RCC1L: variants seen among roughly 807,000 people sequenced by gnomAD.
RCC1L encodes the protein RCC1 like.
RCC1L carries 46 observed loss-of-function variants against 58.6 expected under a neutral mutation model. The ratio of observed to expected loss-of-function variants is 0.79; its 90% CI spans 0.62 to 1.00. The LOEUF (loss-of-function observed/expected upper bound fraction) is 1.00, where lower values mean the gene tolerates loss of function less well. Among genes scored for constraint, RCC1L ranks in the 50% least tolerant of loss-of-function variants. RCC1L has a pLI of 0.00. For missense variants in RCC1L, 636 were observed against 623.6 expected (o/e 1.02, Z -0.21); for synonymous variants, 281 against 262.9 (o/e 1.07, Z -0.67).
chr7:75,028,863 G>T (rs1805217730), intron 10 of RCC1L, among the ~76,000 whole-genome samples: 1 of 152,198 alleles, frequency 6.6e-6, no homozygotes, highest in African/African-American at 2.4e-5. Context: ...CCCTCCCCAA[G>T]ATTCAGAGGC....
chr7:75,061,315 G>C (rs1378789820), intron 5 of RCC1L, 24 bp from the exon 6 acceptor site: 2 of 1,606,474 alleles, frequency 1.2e-6, no homozygotes, highest in African/African-American at 1.3e-5. Flanking sequence ...AGAGGTAAGG[G>C]GGATGAGAGG....
intron 9 of RCC1L, chr7:75,055,697 A>G (rs1806053166): frequency 1.5e-6 from 1 of 645,312 alleles, no homozygotes; most frequent in Non-Finnish European, 2.7e-6. Context: ...ACGAACCAAA[A>G]TTAAAACTCC....
chr7:75,040,478 G>A (rs941443361), downstream of RCC1L, among the ~76,000 whole-genome samples: 2 of 151,892 alleles, frequency 1.3e-5, no homozygotes, highest in Non-Finnish European at 2.9e-5. Context: ...AAACAAAAAA[G>A]ATCATTACTA....
exon 11 of RCC1L, chr7:75,027,198 A>G (rs1427664630): frequency 6.6e-6 from 1 of 152,176 alleles, no homozygotes; most frequent in Non-Finnish European, 1.5e-5. Context: ...CTCAGACCTG[A>G]CTTGAGAGAA....
chr7:75,049,565 G>A (rs1437688786), intron 10 of RCC1L, among the ~76,000 whole-genome samples: 1 of 152,002 alleles, frequency 6.6e-6, no homozygotes, highest in Non-Finnish European at 1.5e-5. Context: ...TCAGTTACTT[G>A]TGGGGCTGAG....
intron 6 of RCC1L, among the ~76,000 whole-genome samples, chr7:75,059,595 G>C (rs1806209103): frequency 6.6e-6 from 1 of 151,858 alleles, no homozygotes; most frequent in Non-Finnish European, 1.5e-5. Context: ...TATTGAAATA[G>C]AGACAGCATC....
At chr7:75,050,970 G>C (rs926005185) in intron 10 of RCC1L, among the ~76,000 whole-genome samples, 117 of 151,880 alleles carry the variant, frequency 7.7e-4, no homozygotes, top group African/African-American at 2.7e-3. Context: ...GTGTACGCCT[G>C]TGGTCCCAGC....
intron 10 of RCC1L, among the ~76,000 whole-genome samples, chr7:75,044,567 C>G (rs1192915399): frequency 1.4e-5 from 2 of 143,232 alleles, no homozygotes; most frequent in African/African-American, 5.1e-5. Context: ...CCACTGCACT[C>G]CAGCCTGGGC....
intron 10 of RCC1L, among the ~76,000 whole-genome samples, chr7:75,044,437 A>G (rs998885456): frequency 6.6e-6 from 1 of 151,528 alleles, no homozygotes; most frequent in South Asian, 2.1e-4. Flanking sequence ...TGTCTCTACT[A>G]AAAATACAAA....
intron 10 of RCC1L, among the ~76,000 whole-genome samples, chr7:75,047,306 C>T (rs945340205): frequency 2.0e-5 from 3 of 151,884 alleles, no homozygotes; most frequent in African/African-American, 4.8e-5. Context: ...TGTTCTGTTG[C>T]CCCCGGCTGG....
chr7:75,064,559 G>A (rs1554444824), intron 4 of RCC1L, 23 bp downstream of exon 4: 6 of 1,613,232 alleles, frequency 3.7e-6, no homozygotes, highest in African/African-American at 1.3e-5. Flanking sequence ...ACATGGGGAA[G>A]GGTAGGCCTT....
intron 10 of RCC1L, among the ~76,000 whole-genome samples, chr7:75,049,793 C>T (rs1805850202): frequency 6.6e-6 from 1 of 152,002 alleles, no homozygotes; most frequent in Non-Finnish European, 1.5e-5. Flanking sequence ...ATAGGAGGAT[C>T]ACTTGAACCT....
At chr7:75,065,565 A>G (rs1272343930) in intron 3 of RCC1L, among the ~76,000 whole-genome samples, 1 of 152,128 alleles carries the variant, frequency 6.6e-6, no homozygotes, top group Non-Finnish European at 1.5e-5. Context: ...AGATAAAAAA[A>G]AAGAAAAATG....
At position 75,064,664 on chromosome 7, in the gene RCC1L, C is replaced by T; in HGVS notation, c.584-16G>A. On this transcript the variant is annotated splice_polypyrimidine_tract_variant and intron_variant, in intron 3 of 10. Coordinates refer to ENST00000610322, the MANE Select transcript of RCC1L (RefSeq NM_030798.5). ...ATGCTGAAGACTAAAAATAACACCA[C>T]CAATCAAATCAGTTCTGCAGGTTTG... 1 of 1,613,502 alleles carries T rather than the reference C, an allele frequency of 6.2e-7. No individual in the cohort carries two copies. The highest frequency in any genetic ancestry group is 1.1e-5 in the South Asian group (1 of 91,058).
At chr7:75,050,145 C>T (rs1325475586) in intron 10 of RCC1L, among the ~76,000 whole-genome samples, 2 of 151,002 alleles carry the variant, frequency 1.3e-5, no homozygotes, top group South Asian at 2.1e-4. Context: ...AGCCAGGCGT[C>T]GTGGCATGCA....
At chr7:75,027,947 T>TGGAGGGGCATGTGTTTCTC in exon 11 of RCC1L, 1 of 1,410,920 alleles carries the variant, frequency 7.1e-7, no homozygotes, top group African/African-American at 1.4e-5. Flanking sequence ...AGACCCCACT[T>TGGAGGGGCATGTGTTTCTC]GGAGGGGCAT....
At chr7:75,070,834 A>G in intron 1 of RCC1L, 65 bp from the exon 2 acceptor site, 1 of 1,591,982 alleles carries the variant, frequency 6.3e-7, no homozygotes, top group Non-Finnish European at 8.6e-7. Context: ...GTAGTAAATG[A>G]CAGGTTATTT....
chr7:75,030,354 C>A (rs1805267197), intron 10 of RCC1L, among the ~76,000 whole-genome samples: 1 of 152,152 alleles, frequency 6.6e-6, no homozygotes, highest in African/African-American at 2.4e-5. Flanking sequence ...GTTGTCAGGC[C>A]TTGAGTGCAG....
chr7:75,056,806 T>TGGGAAGATGG, intron 8 of RCC1L: 1 of 1,331,040 alleles, frequency 7.5e-7, no homozygotes, highest in Non-Finnish European at 1.0e-6. Flanking sequence ...TCCAATGCCA[T>TGGGAAGATGG]CTTCCCATGG....
Sources: allele counts gnomAD v4.1 joint callset (sites outside exome capture counted in the v4.1 genomes callset), GRCh38; gene constraint gnomAD v4.1.1; transcripts MANE v1.5; gene names NCBI Gene and HGNC (gene_info 2026-07-23, HGNC 2026-07-21).